KCNIP4: variants seen among roughly 807,000 people sequenced by gnomAD.
KCNIP4 encodes potassium voltage-gated channel interacting protein 4.
In KCNIP4, 12 loss-of-function variants were observed where a neutral mutation model predicts 34.0. That is an observed-to-expected ratio of 0.35 (90% CI 0.23 to 0.57). The LOEUF (loss-of-function observed/expected upper bound fraction) is 0.57. Ranked by LOEUF, KCNIP4 falls within the 20% of genes least tolerant of loss-of-function variation. The probability of loss-of-function intolerance (pLI) is 0.83; values close to 1 mark genes in which losing one functional copy is unlikely to be tolerated. For synonymous variants in KCNIP4, 124 were observed against 102.2 expected, an observed-to-expected ratio of 1.21 and a Z score of -1.29; for missense variants, 238 against 311.7, an observed-to-expected ratio of 0.76 and a Z score of 1.78.
intron 1 of KCNIP4, among the ~76,000 whole-genome samples, chr4:21,226,114 C>G (rs1577917288): frequency 1.3e-5 from 2 of 151,428 alleles, no homozygotes; most frequent in Admixed American, 6.6e-5. Flanking sequence ...AGAGACTGAT[C>G]TATGGTTGCA....
At chr4:21,450,093 A>G (rs192467694) in intron 1 of KCNIP4, among the ~76,000 whole-genome samples, 1 of 152,282 alleles carries the variant, frequency 6.6e-6, no homozygotes, top group African/African-American at 2.4e-5. Flanking sequence ...AAATGCCATA[A>G]TTATCACTAG....
intron 1 of KCNIP4, among the ~76,000 whole-genome samples, chr4:21,496,133 A>ACAT (rs1560460425): frequency 6.6e-6 from 1 of 152,216 alleles, no homozygotes; most frequent in African/African-American, 2.4e-5. Context: ...TTATATCAAC[A>ACAT]CATCATCCAA....
intron 1 of KCNIP4, among the ~76,000 whole-genome samples, chr4:21,217,794 AG>A (rs1297123741): frequency 6.6e-6 from 1 of 152,134 alleles, no homozygotes; most frequent in Admixed American, 6.6e-5. Flanking sequence ...TTTGATTTAT[AG>A]GAGCCAATGT....
rs565737916 is a variant in KCNIP4, at chr4:21,090,454, A to G, written c.62-207745T>C. Among the ~76,000 whole-genome samples, 103 of 152,330 alleles carry G rather than the reference A, an allele frequency of 6.8e-4. 1 individual carries two copies. The highest frequency in any genetic ancestry group is 2.3e-3 in the African/African-American group (97 of 41,574). On this transcript the variant is annotated intron_variant, in intron 1 of 8. Coordinates refer to ENST00000382152, the MANE Select transcript of KCNIP4 (RefSeq NM_025221.6). ...CAGCATATACCCCCAAAACTTAGGTAGGTGTCATAACCACATCCTCATAAC... is the reference window on the plus strand; with the variant it reads ...CAGCATATACCCCCAAAACTTAGGTGGGTGTCATAACCACATCCTCATAAC...
At chr4:21,764,003 C>A (rs939791277) in intron 1 of KCNIP4, among the ~76,000 whole-genome samples, 3 of 152,022 alleles carry the variant, frequency 2.0e-5, no homozygotes, top group Non-Finnish European at 4.4e-5. Flanking sequence ...GCAATTAGAT[C>A]ATTTGGTCTA....
At chr4:21,187,887 C>G (rs1243294061) in intron 1 of KCNIP4, among the ~76,000 whole-genome samples, 1 of 152,146 alleles carries the variant, frequency 6.6e-6, no homozygotes, top group African/African-American at 2.4e-5. Context: ...GGCCCCAGGG[C>G]TGAAAACTGT....
chr4:21,222,814 A>G (rs752688650), intron 1 of KCNIP4, among the ~76,000 whole-genome samples: 12 of 152,230 alleles, frequency 7.9e-5, no homozygotes, highest in Non-Finnish European at 1.8e-4. Context: ...AGTTTTTCAC[A>G]TAAGGACAGA....
At chr4:20,809,448 C>T (rs890821146) in intron 3 of KCNIP4, among the ~76,000 whole-genome samples, 3 of 152,104 alleles carry the variant, frequency 2.0e-5, no homozygotes, top group African/African-American at 7.2e-5. Flanking sequence ...ATATAAAGTG[C>T]AAGGTTAATA....
chr4:20,744,240 C>G (rs556154183), intron 5 of KCNIP4, among the ~76,000 whole-genome samples: 1 of 152,140 alleles, frequency 6.6e-6, no homozygotes, highest in African/African-American at 2.4e-5. Context: ...ACCATTTGAC[C>G]CAGCAATCCC....
intron 1 of KCNIP4, among the ~76,000 whole-genome samples, chr4:21,650,736 AC>A (rs2108969441): frequency 6.6e-6 from 1 of 152,320 alleles, no homozygotes; most frequent in African/African-American, 2.4e-5. Flanking sequence ...ACAACTCCAG[AC>A]ATGAAATAAC....
chr4:21,332,054 A>C (rs528917717), intron 1 of KCNIP4, among the ~76,000 whole-genome samples: 25 of 152,158 alleles, frequency 1.6e-4, no homozygotes, highest in Admixed American at 1.6e-3. Context: ...CATTATTCAT[A>C]ATCAATCCCA....
At chr4:21,649,773 T>C (rs1197020227) in intron 1 of KCNIP4, among the ~76,000 whole-genome samples, 2 of 152,230 alleles carry the variant, frequency 1.3e-5, no homozygotes, top group Non-Finnish European at 2.9e-5. Context: ...TTGGTGAATT[T>C]TTTTATACAA....
chr4:20,864,087 T>TACGC (rs376528806), intron 2 of KCNIP4, among the ~76,000 whole-genome samples: 1 of 145,712 alleles, frequency 6.9e-6, no homozygotes, highest in Admixed American at 6.8e-5. Context: ...TATGTATGTA[T>TACGC]ATGCATGTAT....
At chr4:21,622,117 T>C (rs547866460) in intron 1 of KCNIP4, among the ~76,000 whole-genome samples, 1 of 152,326 alleles carries the variant, frequency 6.6e-6, no homozygotes, top group East Asian at 1.9e-4. Flanking sequence ...TAAAGATGTA[T>C]CTTTAGCCTG....
intron 1 of KCNIP4, among the ~76,000 whole-genome samples, chr4:21,129,886 T>C (rs1750928114): frequency 9.1e-6 from 1 of 110,238 alleles, no homozygotes; most frequent in Admixed American, 8.8e-5. Flanking sequence ...GAAGCAGAAA[T>C]GTTAAAAAAA....
At chr4:20,963,252 G>A (rs535295038) in intron 1 of KCNIP4, among the ~76,000 whole-genome samples, 129 of 151,952 alleles carry the variant, frequency 8.5e-4, no homozygotes, top group African/African-American at 2.9e-3. Flanking sequence ...CCTTGAACCC[G>A]GGAATCAGAG....
At chr4:21,416,248 C>T (rs1724943828) in intron 1 of KCNIP4, among the ~76,000 whole-genome samples, 1 of 152,122 alleles carries the variant, frequency 6.6e-6, no homozygotes, top group Non-Finnish European at 1.5e-5. Context: ...GGTAGTGGCA[C>T]ATAAGTGAAA....
intron 1 of KCNIP4, among the ~76,000 whole-genome samples, chr4:21,067,372 G>C (rs1036475821): frequency 1.3e-5 from 2 of 152,024 alleles, no homozygotes; most frequent in African/African-American, 4.8e-5. Context: ...CTGAGGAAGG[G>C]AGAGGAAAGA....
chr4:21,731,114 C>CAA (rs36075428), intron 1 of KCNIP4, among the ~76,000 whole-genome samples: 5,552 of 135,094 alleles, frequency 0.041, 301 homozygotes, highest in African/African-American at 0.13. Context: ...GAACCTGTCT[C>CAA]AAAAAAAAAA....
Sources: gnomAD v4.1 joint callset for allele counts (sites outside exome capture counted in the v4.1 genomes callset) on GRCh38, gnomAD v4.1.1 for gene constraint, MANE v1.5 for transcripts, NCBI Gene and HGNC (gene_info 2026-07-23, HGNC 2026-07-21) for gene names.